GDPD4: variants seen among roughly 807,000 people sequenced by gnomAD.
The protein encoded by GDPD4 is glycerophosphodiester phosphodiesterase domain containing 4, also known as glycerophosphodiester phosphodiesterase 6.
In GDPD4, 60 loss-of-function variants were observed where a neutral mutation model predicts 67.8. The observed-to-expected ratio is 0.88, with a 90% CI of 0.72 to 1.10. GDPD4 has a LOEUF of 1.10. Ranked by LOEUF, GDPD4 falls within the 50% of genes least tolerant of loss-of-function variation. The pLI, the probability that GDPD4 is intolerant of heterozygous loss-of-function variation, is 0.00. For missense variants in GDPD4, 623 were observed against 613.9 expected (o/e 1.01, Z -0.16); for synonymous variants, 212 against 210.9 (o/e 1.00, Z -0.04).
At chr11:77,249,222 C>T (rs7935940) in intron 11 of GDPD4, among the ~76,000 whole-genome samples, 108,876 of 144,230 alleles carry the variant, frequency 0.75, 42,173 homozygotes, top group Middle Eastern at 0.86. Flanking sequence ...GCCGAGATCA[C>T]GCCACTGCAC....
chr11:77,238,584 CAAAAA>C (rs199508047), intron 13 of GDPD4, among the ~76,000 whole-genome samples: 2 of 117,998 alleles, frequency 1.7e-5, no homozygotes, highest in South Asian at 2.9e-4. Context: ...AACTCCGTCT[CAAAAA>C]AAAAAAAAAA....
rs569270700 is a variant in GDPD4, at chr11:77,265,677, T to C, written c.707+2780A>G. On this transcript the variant is annotated intron_variant, in intron 10 of 16. Coordinates refer to ENST00000315938, the MANE Select transcript of GDPD4 (RefSeq NM_182833.3). ...ATGAACTTATTTGTATATTTAGTTCTATATTTAGTTTACATGAACTTATTT... is the reference window on the plus strand; with the variant it reads ...ATGAACTTATTTGTATATTTAGTTCCATATTTAGTTTACATGAACTTATTT... Among the ~76,000 whole-genome samples the C allele has an allele frequency of 2.0e-5, 3 of 152,278 alleles. No individual in the cohort carries two copies. The East Asian group carries it at 5.8e-4, about 29-fold the overall frequency.
Position 77,287,249 on chromosome 11 carries a change from T to G in GDPD4, c.-82A>C, listed in dbSNP as rs540678063. ...GCAGCAACAAAATCCAACTTTAGTT[T>G]TTTCCCATTGTCTGAATTTCCAGAG... On this transcript the variant is annotated 5_prime_UTR_variant, in exon 2 of 17. Transcript: ENST00000315938. 7 of 152,322 alleles carry G rather than the reference T, an allele frequency of 4.6e-5. No homozygotes were observed. The highest frequency in any genetic ancestry group is 1.7e-4 in the African/African-American group (7 of 41,562). 9.4% of individuals were successfully genotyped at this position (152,322 alleles called of 1,614,324 possible).
chr11:77,223,187 G>T (rs1464555474), intron 16 of GDPD4, among the ~76,000 whole-genome samples: 2 of 152,154 alleles, frequency 1.3e-5, no homozygotes, highest in Admixed American at 6.5e-5. Flanking sequence ...GGAGAAGTTT[G>T]TTATTACCGA....
At chr11:77,224,154 G>A (rs536687483) in intron 16 of GDPD4, 1 of 152,354 alleles carries the variant, frequency 6.6e-6, no homozygotes, top group African/African-American at 2.4e-5. Context: ...TTTCCCAGGT[G>A]AGGTGATGTC....
At chr11:77,268,423 C>T in intron 10 of GDPD4, 34 bp downstream of exon 10, 1 of 1,458,954 alleles carries the variant, frequency 6.9e-7, no homozygotes. Flanking sequence ...AACTTATACC[C>T]TCCTCCCCTC....
rs949860488 is a variant in GDPD4 at position 77,216,754 on chromosome 11, C to G, written c.*523G>C. On this transcript the variant is annotated 3_prime_UTR_variant, in exon 17 of 17. Coordinates refer to ENST00000315938, the MANE Select transcript of GDPD4 (RefSeq NM_182833.3). ...TCCCCTGAGAGCCTCCGTGGCCCTT[C>G]TGTGTGCCTTTATCAACCACTCCCC... is the stretch of plus-strand genomic sequence containing the variant. 1.7e-6 allele frequency: 1 copy of G among 599,452 alleles called. No homozygotes were observed. The highest frequency in any genetic ancestry group is 2.9e-5 in the Admixed American group (1 of 33,938). 37.1% of individuals were successfully genotyped at this position (599,452 alleles called of 1,614,324 possible). A position where few individuals can be genotyped will look rare whatever the true frequency, so the allele number is the denominator to read the frequency against.
intron 8 of GDPD4, among the ~76,000 whole-genome samples, chr11:77,269,275 G>C (rs1399408540): frequency 6.6e-6 from 1 of 152,064 alleles, no homozygotes; most frequent in African/African-American, 2.4e-5. Flanking sequence ...ACAAATATAG[G>C]GCATTATTAT....
chr11:77,239,211 A>G (rs1163880682), intron 13 of GDPD4, among the ~76,000 whole-genome samples: 1 of 152,230 alleles, frequency 6.6e-6, no homozygotes, highest in Admixed American at 6.5e-5. Context: ...AATAAAGGCC[A>G]TTCAGGACAT....
intron 1 of GDPD4, among the ~76,000 whole-genome samples, chr11:77,292,881 C>A (rs1411438101): frequency 6.6e-6 from 1 of 152,020 alleles, no homozygotes; most frequent in East Asian, 1.9e-4. Flanking sequence ...ACAAAAACTA[C>A]TGAAGCTCAC....
chr11:77,232,909 G>C (rs117405118), intron 14 of GDPD4, 116 bp downstream of exon 14: 10 of 812,664 alleles, frequency 1.2e-5, no homozygotes, highest in Admixed American at 5.2e-5. Context: ...AATATTCATA[G>C]AAGTCTGTAC....
At chr11:77,277,596 G>A (rs184803661) in intron 4 of GDPD4, among the ~76,000 whole-genome samples, 3 of 151,094 alleles carry the variant, frequency 2.0e-5, no homozygotes, top group Admixed American at 6.6e-5. Context: ...TAGTAGAGAC[G>A]GGGTTTATCA....
chr11:77,269,152 G>A (rs1959193937), intron 8 of GDPD4, 83 bp from the exon 9 acceptor site: 1 of 1,286,888 alleles, frequency 7.8e-7, no homozygotes, highest in African/African-American at 1.5e-5. Flanking sequence ...GCAGCAGTCT[G>A]AGTAAACCCA....
intron 14 of GDPD4, among the ~76,000 whole-genome samples, chr11:77,232,571 C>T (rs1489592303): frequency 6.6e-6 from 1 of 152,142 alleles, no homozygotes; most frequent in African/African-American, 2.4e-5. Flanking sequence ...ACACAGTTTC[C>T]ACTTTGGAGT....
At chr11:77,275,280 A>G (rs1401017599) in intron 5 of GDPD4, among the ~76,000 whole-genome samples, 1 of 152,238 alleles carries the variant, frequency 6.6e-6, no homozygotes, top group Non-Finnish European at 1.5e-5. Flanking sequence ...AGCCCATGGG[A>G]GAACAAAACA....
intron 1 of GDPD4, among the ~76,000 whole-genome samples, chr11:77,291,319 G>A (rs1937768960): frequency 6.6e-6 from 1 of 152,172 alleles, no homozygotes; most frequent in Non-Finnish European, 1.5e-5. Context: ...TTAAAAAGTT[G>A]ATCTCATGGA....
chr11:77,217,391 ATC>A lies in GDPD4; in HGVS notation c.1526-79_1526-78del, dbSNP rs1459940923. The stretch of plus-strand genomic sequence containing the variant: ...GTCAGTCATGTGTGAAATTCAAGTT[ATC>A]TCTTAAATGTTAGCCACTCCCTTAC... On this transcript the variant is annotated intron_variant, in intron 16 of 16. Coordinates refer to ENST00000315938, the MANE Select transcript of GDPD4 (RefSeq NM_182833.3). 6 of 1,172,574 alleles carry A rather than the reference ATC, an allele frequency of 5.1e-6. No individual in the cohort carries two copies. In the Admixed American group the frequency reaches 8.4e-5, roughly 16 times the overall value. 72.6% of individuals were successfully genotyped at this position (1,172,574 alleles called of 1,614,324 possible). A position where few individuals can be genotyped will look rare whatever the true frequency, so the allele number is the denominator to read the frequency against.
At chr11:77,236,695 C>T (rs891915432) in intron 13 of GDPD4, among the ~76,000 whole-genome samples, 1 of 151,950 alleles carries the variant, frequency 6.6e-6, no homozygotes, top group Middle Eastern at 3.4e-3. Context: ...AGTGAAAATG[C>T]ACCCAATAAA....
At chr11:77,283,317 T>C (rs1959842835) in intron 3 of GDPD4, among the ~76,000 whole-genome samples, 2 of 152,218 alleles carry the variant, frequency 1.3e-5, no homozygotes, top group Admixed American at 6.5e-5. Flanking sequence ...GAAAGTAATA[T>C]GACCAGAGTG....
Sources: gnomAD v4.1 joint callset for allele counts (sites outside exome capture counted in the v4.1 genomes callset) on GRCh38, gnomAD v4.1.1 for gene constraint, MANE v1.5 for transcripts, NCBI Gene and HGNC (gene_info 2026-07-23, HGNC 2026-07-21) for gene names.